The following CYP2J2 variants were observed in gnomAD, a reference collection of about 807,000 sequenced individuals.
The protein encoded by CYP2J2 is cytochrome P450 2J2.
In CYP2J2, 41 loss-of-function variants were observed where a neutral mutation model predicts 48.8. That is an observed-to-expected ratio of 0.84 (90% CI 0.66 to 1.09). CYP2J2 has a LOEUF of 1.09. Ranked by LOEUF, CYP2J2 falls within the 50% of genes least tolerant of loss-of-function variation. The probability of loss-of-function intolerance (pLI) is 0.00; values close to 1 mark genes in which losing one functional copy is unlikely to be tolerated. For synonymous variants in CYP2J2, 221 were observed against 227.1 expected, an observed-to-expected ratio of 0.97 and a Z score of 0.24; for missense variants, 644 against 617.3, an observed-to-expected ratio of 1.04 and a Z score of -0.46.
chr1:59,900,768 G>A (rs1307193775), intron 8 of CYP2J2, among the ~76,000 whole-genome samples, 197 bp downstream of exon 8: 1 of 152,162 alleles, frequency 6.6e-6, no homozygotes, highest in East Asian at 1.9e-4. Context: ...TGAATGGAGG[G>A]CTTAGGAAGT....
At chr1:59,951,325 T>G in the CYP2J2 span, among the ~76,000 whole-genome samples, 1 of 152,172 alleles carries the variant, frequency 6.6e-6, no homozygotes, top group Admixed American at 6.6e-5. Context: ...CCCACATGGC[T>G]TTCAAGGCCC....
rs1644566250 is a variant in CYP2J2 at position 59,926,557 on chromosome 1, A to T, written c.190T>A (p.Ser64Thr). The change falls in exon 1 of 9, where the codon TCG (serine) becomes ACG (threonine). Residue 64 changes from serine to threonine, a missense_variant. By Grantham distance (58) the Ser-to-Thr change is moderately conservative. Coordinates refer to ENST00000371204, the MANE Select transcript of CYP2J2 (RefSeq NM_000775.4). ...GNFFLVDFEQ[S>T]HLEVQLFVKK... ...CCTACCAGCTGAACCTCCAGGTGCGACTGCTCGAAGTCCACAAGGAAGAAG... is the reference window on the plus strand; with the variant it reads ...CCTACCAGCTGAACCTCCAGGTGCGTCTGCTCGAAGTCCACAAGGAAGAAG... 6.2e-7 allele frequency: 1 copy of T among 1,614,128 alleles called. No individual in the cohort carries two copies. Among genetic ancestry groups the T allele is most frequent in the East Asian group, 2.2e-5 (1 of 44,872 alleles).
At chr1:59,926,851 C>A, upstream of CYP2J2, 1 of 1,063,014 alleles carries the variant, frequency 9.4e-7, no homozygotes, top group Admixed American at 2.2e-5. Context: ...CCTCCCAGCC[C>A]GCCCCTTCGC....
the CYP2J2 span, among the ~76,000 whole-genome samples, chr1:59,950,574 A>C: frequency 6.6e-6 from 1 of 152,180 alleles, no homozygotes; most frequent in Admixed American, 6.5e-5. Flanking sequence ...GTAGTGAACA[A>C]AGGAGATAGT....
At chr1:59,966,482 G>C in the CYP2J2 span, among the ~76,000 whole-genome samples, 1 of 152,154 alleles carries the variant, frequency 6.6e-6, no homozygotes, top group Admixed American at 6.5e-5. Context: ...TTACACAGCT[G>C]GTAATGGCAG....
chr1:59,932,631 T>C, the CYP2J2 span, among the ~76,000 whole-genome samples: 1 of 151,826 alleles, frequency 6.6e-6, no homozygotes, highest in Non-Finnish European at 1.5e-5. Context: ...GAAACTGAGA[T>C]ATACATACAG....
chr1:59,965,338 G>C, the CYP2J2 span, among the ~76,000 whole-genome samples: 1 of 152,218 alleles, frequency 6.6e-6, no homozygotes, highest in African/African-American at 2.4e-5. Context: ...CCCTGGGTTA[G>C]ATGAAGTCAA....
chr1:59,910,743 G>C (rs1644406533), intron 4 of CYP2J2, among the ~76,000 whole-genome samples: 1 of 152,086 alleles, frequency 6.6e-6, no homozygotes, highest in Admixed American at 6.6e-5. Context: ...CTCAATACTT[G>C]GGGTCAACTT....
the CYP2J2 span, among the ~76,000 whole-genome samples, chr1:59,948,610 C>G: frequency 6.6e-6 from 1 of 152,132 alleles, no homozygotes; most frequent in African/African-American, 2.4e-5. Context: ...TTTGCACCAA[C>G]CTAATATTAA....
intron 8 of CYP2J2, among the ~76,000 whole-genome samples, chr1:59,899,212 T>G (rs1307807344): frequency 1.3e-5 from 2 of 152,244 alleles, no homozygotes; most frequent in Non-Finnish European, 2.9e-5. Flanking sequence ...TTATAATAAC[T>G]GGAACATAAC....
the CYP2J2 span, among the ~76,000 whole-genome samples, chr1:59,935,015 CATATATATATAT>C: frequency 4.4e-3 from 209 of 47,512 alleles, 3 homozygotes; most frequent in African/African-American, 9.8e-3. Flanking sequence ...TATATATATA[CATATATATATAT>C]ATATATATAT....
At chr1:59,897,454 G>A (rs938953300) in intron 8 of CYP2J2, among the ~76,000 whole-genome samples, 1 of 152,214 alleles carries the variant, frequency 6.6e-6, no homozygotes, top group African/African-American at 2.4e-5. Flanking sequence ...TGGCAGATAT[G>A]AATTTGCTTT....
the CYP2J2 span, among the ~76,000 whole-genome samples, chr1:59,964,061 CTT>C: frequency 2.6e-5 from 4 of 152,190 alleles, no homozygotes; most frequent in Non-Finnish European, 5.9e-5. Context: ...TGATGTGTCT[CTT>C]TTTGAAAACA....
intron 4 of CYP2J2, 84 bp from the exon 5 acceptor site, chr1:59,910,044 C>T (rs1351427795): frequency 9.3e-7 from 1 of 1,072,618 alleles, no homozygotes; most frequent in African/African-American, 1.6e-5. Flanking sequence ...TCTTCTCTTT[C>T]CGTCTCTTTT....
intron 8 of CYP2J2, among the ~76,000 whole-genome samples, chr1:59,895,893 CCATTTATTTATTCACT>C (rs1328568542): frequency 1.3e-5 from 2 of 152,146 alleles, no homozygotes; most frequent in Non-Finnish European, 2.9e-5. Context: ...GCTCCCCTCC[CCATTTATTTATTCACT>C]CATTTATTGA....
the CYP2J2 span, among the ~76,000 whole-genome samples, chr1:59,968,649 T>C: frequency 6.6e-6 from 1 of 152,190 alleles, no homozygotes; most frequent in Non-Finnish European, 1.5e-5. Context: ...CCACGGACAG[T>C]GACACCAGAG....
the CYP2J2 span, among the ~76,000 whole-genome samples, chr1:59,965,065 T>C: frequency 3.3e-5 from 5 of 152,106 alleles, no homozygotes; most frequent in African/African-American, 1.2e-4. Context: ...TAATTATGAG[T>C]ATATGAAAAA....
At chr1:59,937,941 T>A in the CYP2J2 span, among the ~76,000 whole-genome samples, 3 of 152,174 alleles carry the variant, frequency 2.0e-5, no homozygotes, top group Non-Finnish European at 4.4e-5. Context: ...TATCTTTTTG[T>A]TACATTTATC....
intron 8 of CYP2J2, among the ~76,000 whole-genome samples, chr1:59,896,639 T>C (rs1644272042): frequency 6.6e-6 from 1 of 151,808 alleles, no homozygotes; most frequent in Non-Finnish European, 1.5e-5. Context: ...CCCCCTCCCC[T>C]ATGTGAATGT....
Sources: gnomAD v4.1 joint callset for allele counts (sites outside exome capture counted in the v4.1 genomes callset) on GRCh38, gnomAD v4.1.1 for gene constraint, MANE v1.5 for transcripts, NCBI Gene and HGNC (gene_info 2026-07-23, HGNC 2026-07-21) for gene names.